MYL4: variants seen among roughly 807,000 people sequenced by gnomAD.
MYL4 encodes atrial myosin light chain 1.
MYL4 carries 16 observed loss-of-function variants against 21.6 expected under a neutral mutation model. The ratio of observed to expected loss-of-function variants is 0.74; its 90% CI spans 0.50 to 1.12. The LOEUF is 1.12. MYL4 is among the 50% of genes most tolerant of loss of function. The pLI is 0.00. For missense variants in MYL4, 249 were observed against 252.9 expected, an observed-to-expected ratio of 0.98 and a Z score of 0.11; for synonymous variants, 82 against 95.7, an observed-to-expected ratio of 0.86 and a Z score of 0.83.
intron 2 of MYL4, among the ~76,000 whole-genome samples, chr17:47,218,368 A>T (rs2064830529): frequency 6.6e-6 from 1 of 152,172 alleles, no homozygotes; most frequent in Non-Finnish European, 1.5e-5. Flanking sequence ...TAGTTCATGA[A>T]TTCTTTTTTG....
chr17:47,210,635 T>C (rs371067501), intron 1 of MYL4, among the ~76,000 whole-genome samples: 1 of 152,060 alleles, frequency 6.6e-6, no homozygotes, highest in Admixed American at 6.6e-5. Context: ...AGAGCTCTAA[T>C]TGTATGACCT....
downstream of MYL4, among the ~76,000 whole-genome samples, chr17:47,226,411 A>G (rs1040507279): frequency 6.6e-6 from 1 of 152,232 alleles, no homozygotes; most frequent in African/African-American, 2.4e-5. Flanking sequence ...TAGCTCACTT[A>G]CTAATTCAAC....
Position 47,209,511 on chromosome 17 carries a change from C to T in MYL4, c.89C>T (p.Ala30Val), listed in dbSNP as rs781196896. The change falls in exon 1 of 7, where the codon GCT becomes GTT. Residue 30 changes from alanine (A) to valine (V), a missense_variant. Ala to Val is a moderately conservative substitution (Grantham distance 64). Coordinates refer to ENST00000393450, the MANE Select transcript of MYL4 (RefSeq NM_002476.2). ...APAPAPAPAP[A>V]PEAPKEPAFD... ...GCCCCTGCACCAGCCCCTGCCCCAG[C>T]TCCTGAGGCTCCCAAGGAACCTGCC... 1.2e-6 allele frequency: 2 copies of T among 1,614,258 alleles called. No individual in the cohort carries two copies. The highest frequency in any genetic ancestry group is 1.1e-5 in the South Asian group (1 of 91,082).
chr17:47,225,135 A>G (rs116266511), downstream of MYL4, among the ~76,000 whole-genome samples: 2,386 of 152,318 alleles, frequency 0.016, 52 homozygotes, highest in African/African-American at 0.054. Flanking sequence ...GAACTCTGTG[A>G]AACATCTAAG....
At chr17:47,215,657 T>C (rs1038339794) in intron 2 of MYL4, among the ~76,000 whole-genome samples, 9 of 152,338 alleles carry the variant, frequency 5.9e-5, no homozygotes, top group African/African-American at 2.2e-4. Flanking sequence ...TGAGGGTATT[T>C]GGGTTTCAAT....
Position 47,209,528 on chromosome 17 carries a change from G to A in MYL4, c.106G>A (p.Glu36Lys), listed in dbSNP as rs1250854796. Residue 36 changes from glutamate to lysine, a missense_variant, in exon 1 of 7, where the codon GAA (glutamate) becomes AAA (lysine). Transcript: ENST00000393450. ...APAPAPEAPKEPAFDPKSVKI... is the reference protein window; with the variant it reads ...APAPAPEAPKKPAFDPKSVKI... ...TGCCCCAGCTCCTGAGGCTCCCAAG[G>A]AACCTGCCTTTGACCCCAAGAGTGT... is the stretch of plus-strand genomic sequence containing the variant. The A allele has an allele frequency of 6.2e-7, 1 of 1,614,220 alleles. No homozygotes were observed. Among genetic ancestry groups the A allele is most frequent in the Non-Finnish European group, 8.5e-7 (1 of 1,180,038 alleles).
upstream of MYL4, among the ~76,000 whole-genome samples, chr17:47,198,813 T>C (rs2064698849): frequency 6.6e-6 from 1 of 151,974 alleles, no homozygotes; most frequent in Non-Finnish European, 1.5e-5. Flanking sequence ...GAGACCCTCA[T>C]TTCTACAAAA....
At chr17:47,208,550 T>TACACACACACACACAC (rs55886095), upstream of MYL4, among the ~76,000 whole-genome samples, 1 of 145,870 alleles carries the variant, frequency 6.9e-6, no homozygotes, top group African/African-American at 2.5e-5. Flanking sequence ...TAGTAAGCAC[T>TACACACACACACACAC]ACACACACAC....
At chr17:47,209,798 C>T in intron 1 of MYL4, 1 of 601,524 alleles carries the variant, frequency 1.7e-6, no homozygotes, top group East Asian at 2.9e-5. Flanking sequence ...TCCTGCTACC[C>T]TAGATTTGTG....
chr17:47,206,663 A>G (rs1266164855), upstream of MYL4, among the ~76,000 whole-genome samples: 2 of 152,182 alleles, frequency 1.3e-5, no homozygotes, highest in African/African-American at 2.4e-5. Context: ...ATGTCACCCT[A>G]TAAAGCAAGA....
chr17:47,212,596 T>C (rs557838575), intron 1 of MYL4, among the ~76,000 whole-genome samples: 1 of 152,374 alleles, frequency 6.6e-6, no homozygotes, highest in African/African-American at 2.4e-5. Flanking sequence ...TGTTTGAGTC[T>C]AGAATCTGGC....
chr17:47,216,702 T>C lies in MYL4; in HGVS notation c.163+2876T>C, dbSNP rs1053996811. ...CATCTTTTTTTTCTTTTTCTTTCTT[T>C]TTTTTTTTTGAGACAGAGTTTTGCG... On this transcript the variant is annotated intron_variant, in intron 2 of 6. Transcript: ENST00000393450. Among the ~76,000 whole-genome samples, 558 of 150,694 alleles carry C rather than the reference T, an allele frequency of 3.7e-3. 4 individuals are homozygous for C. Among genetic ancestry groups the C allele is most frequent in the African/African-American group, 0.013 (540 of 40,718 alleles).
intron 1 of MYL4, among the ~76,000 whole-genome samples, chr17:47,212,381 A>C (rs2064782655): frequency 6.6e-6 from 1 of 152,232 alleles, no homozygotes; most frequent in African/African-American, 2.4e-5. Flanking sequence ...CTATGTACTG[A>C]GCATTTCAGT....
chr17:47,191,540 G>A, the MYL4 span, among the ~76,000 whole-genome samples: 6 of 152,118 alleles, frequency 3.9e-5, no homozygotes, highest in South Asian at 2.1e-4. Flanking sequence ...GCGCAATCTC[G>A]GCTGACTGCG....
intron 2 of MYL4, among the ~76,000 whole-genome samples, chr17:47,218,994 T>A (rs147371132): frequency 2.6e-5 from 4 of 152,336 alleles, no homozygotes; most frequent in Non-Finnish European, 1.5e-5. Flanking sequence ...CCTTACCATA[T>A]GCTGAACATT....
upstream of MYL4, among the ~76,000 whole-genome samples, chr17:47,205,979 C>T (rs956306535): frequency 2.0e-5 from 3 of 152,194 alleles, no homozygotes; most frequent in Non-Finnish European, 4.4e-5. Flanking sequence ...GAATGCACCT[C>T]TAGCTTCAAC....
the MYL4 span, among the ~76,000 whole-genome samples, chr17:47,191,940 AGAT>A: frequency 6.6e-6 from 1 of 152,234 alleles, no homozygotes; most frequent in African/African-American, 2.4e-5. Flanking sequence ...GGATACATAA[AGAT>A]GATACTTTGT....
chr17:47,211,519 G>A (rs1262126356), intron 1 of MYL4, among the ~76,000 whole-genome samples: 4 of 152,148 alleles, frequency 2.6e-5, no homozygotes, highest in Non-Finnish European at 4.4e-5. Context: ...TTTATTCCTG[G>A]TTCTTAAAGC....
intron 1 of MYL4, among the ~76,000 whole-genome samples, chr17:47,201,664 C>G (rs1263296632): frequency 6.6e-6 from 1 of 152,084 alleles, no homozygotes; most frequent in Non-Finnish European, 1.5e-5. Context: ...CCATGTTGGT[C>G]AGGCTGGTCT....
Sources: gnomAD v4.1 joint callset for allele counts (sites outside exome capture counted in the v4.1 genomes callset) on GRCh38, gnomAD v4.1.1 for gene constraint, MANE v1.5 for transcripts, NCBI Gene and HGNC (gene_info 2026-07-23, HGNC 2026-07-21) for gene names.